The following MRPS5 variants were observed in gnomAD, a reference collection of about 807,000 sequenced individuals.
MRPS5 encodes small ribosomal subunit protein uS5m.
In MRPS5, 27 loss-of-function variants were observed where a neutral mutation model predicts 51.9. That is an observed-to-expected ratio of 0.52 (90% CI 0.38 to 0.72). The LOEUF is 0.72. Ranked by LOEUF, MRPS5 falls within the 30% of genes least tolerant of loss-of-function variation. The probability of loss-of-function intolerance (pLI) is 0.00; values close to 1 mark genes in which losing one functional copy is unlikely to be tolerated. For synonymous variants in MRPS5, 196 were observed against 193.2 expected, an observed-to-expected ratio of 1.01 and a Z score of -0.12; for missense variants, 570 against 545.7, an observed-to-expected ratio of 1.04 and a Z score of -0.44.
rs1675867309 is a variant in MRPS5, at chr2:95,103,722, G to A, written c.763+918C>T. 2.0e-5 allele frequency: 3 copies of A among 152,078 alleles called. No homozygotes were observed. The South Asian group carries it at 6.2e-4, about 31-fold the overall frequency. The allele number at this position is 152,078 out of a possible 1,614,324, so 9.4% of individuals were successfully genotyped here. ...TTACAAAAATTATCCATGCACAATG[G>A]AACACTTTGCAACCAGTACAACGAA... On this transcript the variant is annotated intron_variant, in intron 7 of 11. Coordinates refer to ENST00000272418, the MANE Select transcript of MRPS5 (RefSeq NM_031902.5).
At chr2:95,100,928 T>A in intron 8 of MRPS5, 34 bp from the exon 9 acceptor site, 1 of 1,543,536 alleles carries the variant, frequency 6.5e-7, no homozygotes, top group South Asian at 1.2e-5. Flanking sequence ...ACTCTATTGT[T>A]GAAATTTACA....
chr2:95,089,541 T>C (rs1190041403), intron 11 of MRPS5, among the ~76,000 whole-genome samples: 1 of 152,130 alleles, frequency 6.6e-6, no homozygotes, highest in Non-Finnish European at 1.5e-5. Context: ...CTGCCCTCCA[T>C]GGTGGGTGAT....
chr2:95,118,011 C>T, intron 1 of MRPS5, 66 bp from the exon 2 acceptor site: 1 of 1,200,920 alleles, frequency 8.3e-7, no homozygotes. Context: ...TAAACAGTAA[C>T]ACCCACAAAA....
intron 1 of MRPS5, among the ~76,000 whole-genome samples, chr2:95,119,056 A>C (rs2104433040): frequency 6.6e-6 from 1 of 152,356 alleles, no homozygotes; most frequent in East Asian, 1.9e-4. Flanking sequence ...GAAAGTGAAA[A>C]GACACACAGA....
At chr2:95,095,883 C>T (rs1358998159) in intron 10 of MRPS5, among the ~76,000 whole-genome samples, 1 of 151,546 alleles carries the variant, frequency 6.6e-6, no homozygotes. Context: ...AACAGACACA[C>T]AAAAAAAACC....
intron 1 of MRPS5, 104 bp from the exon 2 acceptor site, chr2:95,118,049 G>T: frequency 1.2e-6 from 1 of 801,058 alleles, no homozygotes; most frequent in Non-Finnish European, 1.9e-6. Flanking sequence ...GAACCAAGAC[G>T]AGGGAGTAAG....
intron 3 of MRPS5, among the ~76,000 whole-genome samples, chr2:95,114,089 C>T (rs1226377997): frequency 7.1e-5 from 9 of 127,530 alleles, no homozygotes; most frequent in Middle Eastern, 5.1e-3. Flanking sequence ...TACTGTACTC[C>T]GGCCTGGTGA....
intron 1 of MRPS5, 137 bp downstream of exon 1, chr2:95,121,597 C>A (rs1454696910): frequency 6.3e-6 from 6 of 945,534 alleles, no homozygotes; most frequent in East Asian, 6.5e-5. Flanking sequence ...GCGGCTCCGG[C>A]GGAAGGTGGG....
In MRPS5 at chr2:95,085,969, G is replaced by A. The variant is rs1477470959; in HGVS notation, c.*1388C>T. Among the ~76,000 whole-genome samples the A allele has an allele frequency of 1.3e-5, 2 of 151,824 alleles. No homozygotes were observed. The highest frequency in any genetic ancestry group is 2.9e-5 in the Non-Finnish European group (2 of 67,978). On this transcript the variant is annotated 3_prime_UTR_variant, in exon 12 of 12. Transcript: ENST00000272418. ...TCACTCTGCCACCCAGGCTGGAGTG[G>A]CATGAACAAGGCTCACTGCAGCCTC...
rs767817182 is a variant in MRPS5, at chr2:95,087,378, A to C, written c.1272T>G (p.Asn424Lys). ...GAGGTTACGTGGCGGCTCTCTTCAAATTAGACCACACAGAGCGCTTCATTC... is the reference window on the plus strand; with the variant it reads ...GAGGTTACGTGGCGGCTCTCTTCAACTTAGACCACACAGAGCGCTTCATTC... Reference protein sequence around the residue: ...AQGMKRSVWSNLKRAAT With the variant: ...AQGMKRSVWSKLKRAAT Residue 424 changes from asparagine to lysine, a missense_variant, in exon 12 of 12, where the codon AAT (asparagine) becomes AAG (lysine). Physicochemically the swap from Asn to Lys is moderately conservative, Grantham distance 94. Coordinates refer to ENST00000272418, the MANE Select transcript of MRPS5 (RefSeq NM_031902.5). 6.2e-7 allele frequency: 1 copy of C among 1,614,180 alleles called. No individual in the cohort carries two copies. Among genetic ancestry groups the C allele is most frequent in the East Asian group, 2.2e-5 (1 of 44,882 alleles).
At chr2:95,106,295 G>C (rs549136982) in intron 6 of MRPS5, 128 bp downstream of exon 6, 6 of 786,916 alleles carry the variant, frequency 7.6e-6, no homozygotes, top group East Asian at 7.3e-5. Context: ...TCCTTACGCA[G>C]ATCAGCTGTG....
At chr2:95,096,416 G>A (rs940725036) in intron 10 of MRPS5, among the ~76,000 whole-genome samples, 1 of 152,160 alleles carries the variant, frequency 6.6e-6, no homozygotes, top group African/African-American at 2.4e-5. Context: ...TATCCCTGAT[G>A]AATATCGATG....
At chr2:95,090,619 G>A in intron 10 of MRPS5, 97 bp from the exon 11 acceptor site, 1 of 1,430,412 alleles carries the variant, frequency 7.0e-7, no homozygotes, top group Non-Finnish European at 9.6e-7. Flanking sequence ...CTGGGCTTCG[G>A]GAAACTGGTT....
Position 95,088,794 on chromosome 2 carries a change from C to T in MRPS5, c.1069-1213G>A, listed in dbSNP as rs190634114. 5.1e-3 allele frequency among the ~76,000 whole-genome samples: 777 copies of T among 152,306 alleles called. 8 individuals carry two copies. The highest frequency in any genetic ancestry group is 0.018 in the African/African-American group (735 of 41,574). On this transcript the variant is annotated intron_variant, in intron 11 of 11. Coordinates refer to ENST00000272418, the MANE Select transcript of MRPS5 (RefSeq NM_031902.5). ...CATAAAAGAACAAGTCTAGGCTGGG[C>T]GCGGTGGCTCACGCCTGTAATCCCA...
At chr2:95,109,094 A>G (rs1190687613) in intron 4 of MRPS5, among the ~76,000 whole-genome samples, 1 of 152,120 alleles carries the variant, frequency 6.6e-6, no homozygotes, top group South Asian at 2.1e-4. Context: ...ATAGGATTGA[A>G]GAAGGTAGAA....
chr2:95,113,852 T>C (rs1437624416), intron 3 of MRPS5, among the ~76,000 whole-genome samples: 7 of 150,810 alleles, frequency 4.6e-5, no homozygotes, highest in African/African-American at 1.7e-4. Flanking sequence ...CCAGGCACGG[T>C]GGCTCACGCC....
At chr2:95,099,645 C>T (rs937183464) in intron 10 of MRPS5, among the ~76,000 whole-genome samples, 7 of 152,302 alleles carry the variant, frequency 4.6e-5, no homozygotes, top group Non-Finnish European at 7.4e-5. Flanking sequence ...GTCCACTCAA[C>T]ACCTTTTCTA....
Position 95,091,269 on chromosome 2 carries a change from G to A in MRPS5, c.932-747C>T, listed in dbSNP as rs1025064435. On this transcript the variant is annotated intron_variant, in intron 10 of 11. Coordinates refer to ENST00000272418, the MANE Select transcript of MRPS5 (RefSeq NM_031902.5). ...TTCCTCACCTTAAGGACTGCACTTG[G>A]GATTCCCTCTGCCTGGAATGTCCTC... 1.2e-4 allele frequency: 18 copies of A among 153,148 alleles called. 1 individual carries two copies. Among genetic ancestry groups the A allele is most frequent in the South Asian group, 6.2e-4 (3 of 4,850 alleles). 9.5% of individuals were successfully genotyped at this position (153,148 alleles called of 1,614,324 possible).
At chr2:95,088,069 G>T (rs56335271) in intron 11 of MRPS5, among the ~76,000 whole-genome samples, 2 of 151,622 alleles carry the variant, frequency 1.3e-5, no homozygotes. Flanking sequence ...CTATTTAAAA[G>T]GCATAGCAAA....
Sources: allele counts gnomAD v4.1 joint callset (sites outside exome capture counted in the v4.1 genomes callset), GRCh38; gene constraint gnomAD v4.1.1; transcripts MANE v1.5; gene names NCBI Gene and HGNC (gene_info 2026-07-23, HGNC 2026-07-21).